The following CRAMP1 variants were observed in gnomAD, a reference collection of about 807,000 sequenced individuals.
CRAMP1 encodes the protein protein cramped-like.
A neutral mutation model predicts 115.4 loss-of-function variants in CRAMP1; 50 were observed. The observed-to-expected ratio is 0.43, with a 90% CI of 0.35 to 0.55. CRAMP1 has a LOEUF of 0.55. Among genes scored for constraint, CRAMP1 ranks in the 20% least tolerant of loss-of-function variants. The pLI is 0.01. For missense variants in CRAMP1, 1,679 were observed against 1,721.7 expected, an observed-to-expected ratio of 0.98 and a Z score of 0.44; for synonymous variants, 866 against 745.4, an observed-to-expected ratio of 1.16 and a Z score of -2.64.
At chr16:1,661,600 T>A (rs2036830229) in intron 11 of CRAMP1, among the ~76,000 whole-genome samples, 1 of 149,012 alleles carries the variant, frequency 6.7e-6, no homozygotes, top group Admixed American at 6.6e-5. Context: ...AGAATTTTTT[T>A]TTTTTTTTTT....
At chr16:1,662,423 A>G in intron 11 of CRAMP1, 67 bp from the exon 12 acceptor site, 1 of 1,326,422 alleles carries the variant, frequency 7.5e-7, no homozygotes, top group Non-Finnish European at 1.1e-6. Context: ...TCCCAACGGA[A>G]TTCCGTGACC....
At chr16:1,657,037 C>G in intron 10 of CRAMP1, 45 bp downstream of exon 10, 1 of 1,448,276 alleles carries the variant, frequency 6.9e-7, no homozygotes, top group East Asian at 2.5e-5. Flanking sequence ...CAAGGGAAGC[C>G]AGGCCCAGCC....
intron 6 of CRAMP1, among the ~76,000 whole-genome samples, chr16:1,643,907 T>TGTGGGCCTAGGCG (rs1464869846): frequency 6.6e-6 from 1 of 152,246 alleles, no homozygotes; most frequent in East Asian, 1.9e-4. Context: ...GATGACTGAC[T>TGTGGGCCTAGGCG]GTGGGCCTAG....
At chr16:1,657,395 C>A (rs545415476) in intron 10 of CRAMP1, among the ~76,000 whole-genome samples, 98 of 152,340 alleles carry the variant, frequency 6.4e-4, no homozygotes, top group Middle Eastern at 6.8e-3. Context: ...CAAGCCCAAT[C>A]ATGCAGCTGA....
intron 20 of CRAMP1, among the ~76,000 whole-genome samples, chr16:1,673,621 C>T (rs894391479): frequency 9.9e-5 from 15 of 152,218 alleles, no homozygotes; most frequent in Non-Finnish European, 1.9e-4. Flanking sequence ...GGTCTCATGG[C>T]GGGCGGGGGG....
At position 1,614,549 on chromosome 16, in the gene CRAMP1, C is replaced by T. The variant is rs1421713513; in HGVS notation, c.-1-90C>T. The T allele has an allele frequency of 9.0e-6, 7 of 779,918 alleles. No individual in the cohort carries two copies. Among genetic ancestry groups the T allele is most frequent in the East Asian group, 7.8e-5 (2 of 25,744 alleles). 48.3% of individuals were successfully genotyped at this position (779,918 alleles called of 1,614,324 possible). ...CCGCCGAGAGGGGATTTGGAACAAA[C>T]AACGGCGGCCATGTTGAGAGCGCGT... is the stretch of plus-strand genomic sequence containing the variant. On this transcript the variant is annotated intron_variant, in intron 1 of 20. Coordinates refer to ENST00000397412, the MANE Select transcript of CRAMP1 (RefSeq NM_020825.4). The surrounding 1 kb of genome is among the most constrained non-coding windows in gnomAD (Gnocchi z 4.4).
intron 5 of CRAMP1, 80 bp downstream of exon 5, chr16:1,637,987 C>G (rs1425621577): frequency 8.1e-6 from 5 of 617,020 alleles, no homozygotes; most frequent in Non-Finnish European, 1.0e-5. Context: ...AGAGTTGTTT[C>G]TAGTTTCCCT....
At chr16:1,673,404 CTCA>C (rs1211701521) in intron 20 of CRAMP1, among the ~76,000 whole-genome samples, 4 of 152,246 alleles carry the variant, frequency 2.6e-5, no homozygotes, top group Non-Finnish European at 5.9e-5. Flanking sequence ...CCCACCTGTC[CTCA>C]TGTCTATGAT....
In CRAMP1 at chr16:1,664,352, T is replaced by C. The variant is rs537337705; in HGVS notation, c.2671-705T>C. Among the ~76,000 whole-genome samples the C allele has an allele frequency of 5.3e-5, 8 of 152,284 alleles. No individual in the cohort carries two copies. The South Asian group carries it at 1.7e-3, about 32-fold the overall frequency. ...TGCCTGTGTGTTACAAGCAGTGACT[T>C]TATTTTACTCACCCCATGTGTGAGG... On this transcript the variant is annotated intron_variant, in intron 13 of 20. Coordinates refer to ENST00000397412, the MANE Select transcript of CRAMP1 (RefSeq NM_020825.4).
chr16:1,656,630 C>A lies in CRAMP1; in HGVS notation c.1873C>A (p.Leu625Met). 1 of 1,577,870 alleles carries A rather than the reference C, an allele frequency of 6.3e-7. No homozygotes were observed. Among genetic ancestry groups the A allele is most frequent in the Non-Finnish European group, 8.6e-7 (1 of 1,162,922 alleles). Residue 625 changes from leucine (L) to methionine (M), a missense_variant, in exon 10 of 21, where the codon CTG becomes ATG. Around this residue, in one of 8 missense-constraint regions of CRAMP1, gnomAD observed 405 missense variants for 302.6 expected, o/e 1.34. Coordinates refer to ENST00000397412, the MANE Select transcript of CRAMP1 (RefSeq NM_020825.4). This position sits in a 1 kb window ranked among gnomAD's most constrained non-coding sequence, Gnocchi z 5.6. ...PSPRPGPGLL[L>M]DVCTKDLADA... is the part of the protein sequence containing the mutation. Reference sequence around the variant, plus strand: ...CCCGAGGCCCGGCCCCGGGCTCCTGCTGGATGTTTGCACTAAAGACTTGGC... The same window carrying A: ...CCCGAGGCCCGGCCCCGGGCTCCTGATGGATGTTTGCACTAAAGACTTGGC...
At chr16:1,640,552 G>A (rs1324643756) in intron 5 of CRAMP1, among the ~76,000 whole-genome samples, 1 of 152,138 alleles carries the variant, frequency 6.6e-6, no homozygotes, top group Non-Finnish European at 1.5e-5. Flanking sequence ...AGTCTCTCCC[G>A]TTAACGTACT....
chr16:1,620,557 GA>G (rs752081607), intron 2 of CRAMP1: 21 of 434,670 alleles, frequency 4.8e-5, no homozygotes, highest in Non-Finnish European at 8.2e-5. Context: ...ACCACAGAAA[GA>G]GTGCTCCAGG....
chr16:1,665,577 C>CT (rs1392772394), intron 14 of CRAMP1, among the ~76,000 whole-genome samples: 1 of 152,224 alleles, frequency 6.6e-6, no homozygotes, highest in East Asian at 1.9e-4. Flanking sequence ...AACACATACT[C>CT]TGTGACTTCC....
chr16:1,662,551 C>G lies in CRAMP1; in HGVS notation c.2475C>G (p.Asp825Glu). The G allele has an allele frequency of 6.2e-7, 1 of 1,613,992 alleles. No individual in the cohort carries two copies. The highest frequency in any genetic ancestry group is 8.5e-7 in the Non-Finnish European group (1 of 1,179,864). Residue 825 changes from aspartate to glutamate, a missense_variant, in exon 12 of 21, where the codon GAC becomes GAG. Asp to Glu is a conservative substitution (Grantham distance 45, BLOSUM62 2). Around this residue, in one of 8 missense-constraint regions of CRAMP1, gnomAD observed 709 missense variants for 741.9 expected, o/e 0.96. Coordinates refer to ENST00000397412, the MANE Select transcript of CRAMP1 (RefSeq NM_020825.4). ...GTCCCTCCAGCACAGGAAGCAATGACTCAGATGGAGGCCTTTTTGCTGTCC... is the reference window on the plus strand; with the variant it reads ...GTCCCTCCAGCACAGGAAGCAATGAGTCAGATGGAGGCCTTTTTGCTGTCC... ...VPGPSSTGSN[D>E]SDGGLFAVPT... is the part of the protein sequence containing the mutation.
intron 3 of CRAMP1, among the ~76,000 whole-genome samples, chr16:1,629,219 A>T (rs963776102): frequency 1.3e-5 from 2 of 152,144 alleles, no homozygotes; most frequent in African/African-American, 4.8e-5. Context: ...CTGCGGCCTC[A>T]GCTCTGGCCT....
rs1432834400 is a variant in CRAMP1 at position 1,676,350 on chromosome 16, C to T, written c.*2305C>T. ...AAGCTGACAAGAGTTCTAGAGGATT[C>T]TGCTTCTCTAGTAACTAGACAGGTG... On this transcript the variant is annotated 3_prime_UTR_variant, in exon 21 of 21. Transcript: ENST00000397412. 2.0e-5 allele frequency: 3 copies of T among 152,292 alleles called. No individual in the cohort carries two copies. Among genetic ancestry groups the T allele is most frequent in the Non-Finnish European group, 2.9e-5 (2 of 68,058 alleles). 9.4% of individuals were successfully genotyped at this position (152,292 alleles called of 1,614,324 possible). A position where few individuals can be genotyped will look rare whatever the true frequency, so the allele number is the denominator to read the frequency against.
At chr16:1,647,047 C>G in intron 6 of CRAMP1, 1 of 702,902 alleles carries the variant, frequency 1.4e-6, no homozygotes, top group Non-Finnish European at 2.6e-6. Context: ...AAACAGGAAA[C>G]CTGTCAAGGT....
chr16:1,656,538 C>T lies in CRAMP1; in HGVS notation c.1781C>T (p.Ala594Val), dbSNP rs779580535. The T allele has an allele frequency of 1.5e-5, 23 of 1,557,454 alleles. No homozygotes were observed. In the African/African-American group the frequency reaches 1.5e-4, roughly 10 times the overall value. The change falls in exon 10 of 21, where the codon GCG (alanine) becomes GTG (valine). Residue 594 changes from alanine to valine, a missense_variant. Ala to Val is a moderately conservative substitution (Grantham distance 64). Around this residue, in one of 8 missense-constraint regions of CRAMP1, gnomAD observed 405 missense variants for 302.6 expected, o/e 1.34. Coordinates refer to ENST00000397412, the MANE Select transcript of CRAMP1 (RefSeq NM_020825.4). This position sits in a 1 kb window ranked among gnomAD's most constrained non-coding sequence, Gnocchi z 5.6. ...AGCGAGCAGCCCCCTCTGGGCGGGG[C>T]GGCCTCCCCAGAGGTGCTGGCTCCT... Reference protein sequence around the residue: ...PGSEQPPLGGAASPEVLAPVS... With the variant: ...PGSEQPPLGGVASPEVLAPVS...
rs2036921431 is a variant in CRAMP1, at chr16:1,671,461, A to G, written c.3645+652A>G. On this transcript the variant is annotated intron_variant, in intron 20 of 20. Coordinates refer to ENST00000397412, the MANE Select transcript of CRAMP1 (RefSeq NM_020825.4). This position sits in a 1 kb window ranked among gnomAD's most constrained non-coding sequence, Gnocchi z 5.0. The stretch of plus-strand genomic sequence containing the variant: ...TTGTAGCCCTCAAGGCGTCCACCAC[A>G]TGGTTTGTGTGGCATTCGTGGGCAG... Among the ~76,000 whole-genome samples, 1 of 152,156 alleles carries G rather than the reference A, an allele frequency of 6.6e-6. No homozygotes were observed. The highest frequency in any genetic ancestry group is 2.4e-5 in the African/African-American group (1 of 41,418).
Sources: allele counts gnomAD v4.1 joint callset (sites outside exome capture counted in the v4.1 genomes callset), GRCh38; gene constraint gnomAD v4.1.1; regional missense constraint gnomAD v4.1.1; non-coding constraint Gnocchi (gnomAD v3.1); transcripts MANE v1.5; gene names NCBI Gene and HGNC (gene_info 2026-07-23, HGNC 2026-07-21).